Variants in USH2A observed in about 807,000 individuals in gnomAD.
The protein encoded by USH2A is usherin.
In USH2A, 443 loss-of-function variants were observed where a neutral mutation model predicts 538.9. The observed-to-expected ratio is 0.82, with a 90% confidence interval of 0.76 to 0.89. The LOEUF is 0.89. USH2A is among the 40% of genes least tolerant of loss of function. The probability of loss-of-function intolerance (pLI) is 0.00; values close to 1 mark genes in which losing one functional copy is unlikely to be tolerated. For missense variants in USH2A, 6,633 were observed against 6,324.8 expected (o/e 1.05, Z -1.65); for synonymous variants, 2,413 against 2,273.5 (o/e 1.06, Z -1.75).
intron 35 of USH2A, among the ~76,000 whole-genome samples, chr1:215,986,362 G>T (rs1007688269): frequency 6.9e-6 from 1 of 144,674 alleles, no homozygotes; most frequent in South Asian, 2.2e-4. Context: ...TCCTAGGCTG[G>T]TCTTGAACTC....
intron 37 of USH2A, among the ~76,000 whole-genome samples, chr1:215,940,337 G>GT (rs1351117284): frequency 6.6e-6 from 1 of 151,984 alleles, no homozygotes; most frequent in African/African-American, 2.4e-5. Context: ...TGTGATCAAG[G>GT]TAAACTGGCA....
At chr1:215,647,407 TG>T in intron 67 of USH2A, 114 bp downstream of exon 67, 2 of 1,228,140 alleles carry the variant, frequency 1.6e-6, no homozygotes, top group Non-Finnish European at 2.4e-6. Context: ...TAACATTCAG[TG>T]TTATTGAGCC....
chr1:215,690,525 T>C (rs1235106706), intron 61 of USH2A, among the ~76,000 whole-genome samples: 2 of 152,174 alleles, frequency 1.3e-5, no homozygotes, highest in African/African-American at 4.8e-5. Context: ...AGCTTGAGTG[T>C]AGCCTGGGCA....
At chr1:216,029,992 T>TAGATATATAATATATGATATATATCAC (rs1669059551) in intron 32 of USH2A, among the ~76,000 whole-genome samples, 6 of 116,320 alleles carry the variant, frequency 5.2e-5, no homozygotes, top group Non-Finnish European at 1.9e-5. Context: ...AGATATATCA[T>TAGATATATAATATATGATATATATCAC]AGATATATAA....
At chr1:216,236,532 G>C (rs1176675296) in intron 13 of USH2A, among the ~76,000 whole-genome samples, 2 of 152,084 alleles carry the variant, frequency 1.3e-5, no homozygotes, top group Non-Finnish European at 2.9e-5. Context: ...TGAATGAAAT[G>C]GATAGATAGC....
intron 65 of USH2A, 45 bp downstream of exon 65, chr1:215,650,547 T>C: frequency 6.2e-7 from 1 of 1,609,716 alleles, no homozygotes; most frequent in Non-Finnish European, 8.5e-7. Flanking sequence ...ATAGTAATGA[T>C]TTTTAAAAGT....
intron 22 of USH2A, among the ~76,000 whole-genome samples, chr1:216,093,967 C>T (rs2032375468): frequency 6.6e-6 from 1 of 152,178 alleles, no homozygotes; most frequent in Non-Finnish European, 1.5e-5. Flanking sequence ...ACAAAATCAA[C>T]CTCAAGGGGC....
At chr1:216,017,663 T>C (rs941536882) in intron 32 of USH2A, among the ~76,000 whole-genome samples, 11 of 152,218 alleles carry the variant, frequency 7.2e-5, no homozygotes, top group African/African-American at 2.4e-4. Context: ...AGTAGGTTTA[T>C]GAATCAGTGT....
intron 13 of USH2A, among the ~76,000 whole-genome samples, chr1:216,239,742 G>T (rs2102534495): frequency 6.6e-6 from 1 of 152,272 alleles, no homozygotes; most frequent in Non-Finnish European, 1.5e-5. Flanking sequence ...TACTTGAATA[G>T]TCCAGGAACA....
chr1:216,413,466 T>C (rs2102776468), intron 3 of USH2A, among the ~76,000 whole-genome samples: 1 of 152,254 alleles, frequency 6.6e-6, no homozygotes, highest in Admixed American at 6.5e-5. Context: ...TTGGTTTATC[T>C]ATTCTAACAA....
chr1:215,844,357 T>G lies in USH2A; in HGVS notation c.9195A>C (p.Gly3065=), dbSNP rs774377667. The G allele has an allele frequency of 1.9e-6, 3 of 1,613,816 alleles. No homozygotes were observed. Among genetic ancestry groups the G allele is most frequent in the Non-Finnish European group, 2.5e-6 (3 of 1,179,860 alleles). The change falls in exon 46 of 72, where the codon GGA becomes GGC. Residue 3065 remains glycine (G), a synonymous_variant. Coordinates refer to ENST00000307340, the MANE Select transcript of USH2A (RefSeq NM_206933.4). ...GAATAAACGACCCAGGCACATTCAT[T>G]CCAGTCTTGTAGAGCTTATTATTTA... ...IYVNNKLYKT[G]MNVPGSFILR...
chr1:216,400,134 C>A (rs1181864215), intron 3 of USH2A, among the ~76,000 whole-genome samples: 1 of 150,982 alleles, frequency 6.6e-6, no homozygotes, highest in South Asian at 2.1e-4. Flanking sequence ...AAACCAGATA[C>A]AATAAAAATG....
intron 4 of USH2A, among the ~76,000 whole-genome samples, chr1:216,340,059 G>T (rs1048556081): frequency 2.0e-5 from 3 of 150,460 alleles, no homozygotes; most frequent in African/African-American, 4.9e-5. Context: ...TGTTTTTTTT[G>T]AAAACAAACA....
At chr1:215,944,970 T>A (rs905271740) in intron 37 of USH2A, among the ~76,000 whole-genome samples, 2 of 152,118 alleles carry the variant, frequency 1.3e-5, no homozygotes, top group Middle Eastern at 3.2e-3. Flanking sequence ...AGAATATGAT[T>A]AGATAAGTGC....
intron 61 of USH2A, among the ~76,000 whole-genome samples, chr1:215,718,525 G>A (rs1335742052): frequency 2.0e-5 from 3 of 152,220 alleles, no homozygotes; most frequent in East Asian, 1.9e-4. Context: ...CTCACCTGCC[G>A]ATGATCACAG....
intron 60 of USH2A, among the ~76,000 whole-genome samples, chr1:215,733,715 T>C (rs1660072901): frequency 6.6e-6 from 1 of 152,180 alleles, no homozygotes; most frequent in South Asian, 2.1e-4. Context: ...CCCACACAAG[T>C]CTGAGACCTG....
At chr1:216,315,212 T>C (rs1039277634) in intron 9 of USH2A, among the ~76,000 whole-genome samples, 9 of 152,180 alleles carry the variant, frequency 5.9e-5, no homozygotes, top group African/African-American at 2.2e-4. Context: ...GAGCTTAATA[T>C]ATACACTTTG....
intron 32 of USH2A, among the ~76,000 whole-genome samples, chr1:216,003,263 T>C (rs1348064701): frequency 6.6e-6 from 1 of 152,068 alleles, no homozygotes; most frequent in East Asian, 1.9e-4. Flanking sequence ...CATCCCTAGT[T>C]AGGGTTTGCC....
At chr1:216,059,145 TATATA>T (rs2031086144) in intron 30 of USH2A, among the ~76,000 whole-genome samples, 1 of 152,188 alleles carries the variant, frequency 6.6e-6, no homozygotes, top group Non-Finnish European at 1.5e-5. Flanking sequence ...AGAGCATATT[TATATA>T]ATATATGAAC....
Sources: allele counts gnomAD v4.1 joint callset (sites outside exome capture counted in the v4.1 genomes callset), GRCh38; gene constraint gnomAD v4.1.1; transcripts MANE v1.5; gene names NCBI Gene and HGNC (gene_info 2026-07-23, HGNC 2026-07-21).